COMMD1: variants seen among roughly 807,000 people sequenced by gnomAD.
The protein encoded by COMMD1 is COMM domain-containing protein 1.
In COMMD1, 10 loss-of-function variants were observed where a neutral mutation model predicts 17.2. The observed-to-expected ratio is 0.58, with a 90% CI of 0.36 to 0.99. COMMD1 has a LOEUF of 0.99. Ranked by LOEUF, COMMD1 falls within the 50% of genes least tolerant of loss-of-function variation. COMMD1 has a pLI of 0.01. For missense variants in COMMD1, 270 were observed against 231.8 expected (o/e 1.17, Z -1.07); for synonymous variants, 97 against 91.6 (o/e 1.06, Z -0.34).
At chr2:61,902,123 A>G (rs909759474), upstream of COMMD1, among the ~76,000 whole-genome samples, 2 of 149,810 alleles carry the variant, frequency 1.3e-5, no homozygotes, top group Admixed American at 6.6e-5. Flanking sequence ...GAGCCACCGC[A>G]CCCGGCCTAG....
chr2:61,912,977 C>G (rs972197169), intron 1 of COMMD1, among the ~76,000 whole-genome samples: 2 of 152,074 alleles, frequency 1.3e-5, no homozygotes, highest in African/African-American at 4.8e-5. Context: ...TTGCTTGAGC[C>G]CAAGAACTCA....
At chr2:62,103,872 GCT>G (rs973010311) in intron 2 of COMMD1, among the ~76,000 whole-genome samples, 89 of 151,856 alleles carry the variant, frequency 5.9e-4, no homozygotes, top group African/African-American at 2.1e-3. Flanking sequence ...ACAGGGTCTG[GCT>G]CTCTCACCCA....
At chr2:62,049,489 T>G (rs972879067) in intron 2 of COMMD1, among the ~76,000 whole-genome samples, 13 of 152,106 alleles carry the variant, frequency 8.5e-5, no homozygotes, top group Admixed American at 4.6e-4. Context: ...GCTACTGATA[T>G]CTAGTGGATA....
In COMMD1 at chr2:62,046,702, G is replaced by A. The variant is rs140198590; in HGVS notation, c.462+45720G>A. 2.4e-3 allele frequency among the ~76,000 whole-genome samples: 367 copies of A among 152,316 alleles called. 3 individuals are homozygous for A. The highest frequency in any genetic ancestry group is 8.1e-3 in the East Asian group (42 of 5,184). Reference sequence around the variant, plus strand: ...TTGACAAGATGATTCAGAGAATTTAGCAGATGGCAGTTTTGAGGAAAGAAC... The same window carrying A: ...TTGACAAGATGATTCAGAGAATTTAACAGATGGCAGTTTTGAGGAAAGAAC... On this transcript the variant is annotated intron_variant, in intron 2 of 2. Transcript: ENST00000311832.
At chr2:62,060,131 C>T (rs1670819584) in intron 2 of COMMD1, among the ~76,000 whole-genome samples, 1 of 152,118 alleles carries the variant, frequency 6.6e-6, no homozygotes. Context: ...GAGTTCCAGA[C>T]CGGCTTAGGC....
intron 2 of COMMD1, among the ~76,000 whole-genome samples, chr2:62,066,648 G>A (rs541697004): frequency 4.0e-5 from 6 of 151,464 alleles, no homozygotes; most frequent in Non-Finnish European, 8.8e-5. Context: ...TGATCTGCCC[G>A]CCTTGGCCTC....
chr2:62,115,992 A>G (rs1359737875), intron 2 of COMMD1, among the ~76,000 whole-genome samples: 1 of 151,382 alleles, frequency 6.6e-6, no homozygotes, highest in Admixed American at 6.6e-5. Context: ...AGCTACAGGC[A>G]TGAGGCACCA....
intron 1 of COMMD1, among the ~76,000 whole-genome samples, chr2:61,924,514 G>A (rs1427432686): frequency 2.0e-5 from 3 of 152,044 alleles, no homozygotes; most frequent in Non-Finnish European, 2.9e-5. Context: ...AGGAGAAGTC[G>A]TCGGCTAGGG....
intron 2 of COMMD1, among the ~76,000 whole-genome samples, chr2:62,009,589 G>C (rs1213806664): frequency 6.8e-6 from 1 of 147,504 alleles, no homozygotes; most frequent in Non-Finnish European, 1.5e-5. Context: ...GGGCAACAGA[G>C]TGAGACTGTC....
At chr2:62,090,354 CCTT>C (rs1671792364) in intron 2 of COMMD1, among the ~76,000 whole-genome samples, 1 of 152,154 alleles carries the variant, frequency 6.6e-6, no homozygotes, top group Admixed American at 6.5e-5. Flanking sequence ...TGATTAGCCT[CCTT>C]ATCAAGGGTC....
At chr2:62,051,140 T>A (rs1316434175) in intron 2 of COMMD1, among the ~76,000 whole-genome samples, 1 of 152,104 alleles carries the variant, frequency 6.6e-6, no homozygotes, top group Non-Finnish European at 1.5e-5. Flanking sequence ...GCAGCTTATT[T>A]ACCTATATTT....
At chr2:61,987,531 T>G (rs1265841729) in intron 1 of COMMD1, among the ~76,000 whole-genome samples, 1 of 152,184 alleles carries the variant, frequency 6.6e-6, no homozygotes, top group Non-Finnish European at 1.5e-5. Flanking sequence ...TTTTCCCAAA[T>G]AAACAGAGTC....
chr2:62,073,861 C>T (rs1297652754), intron 2 of COMMD1, among the ~76,000 whole-genome samples: 1 of 152,120 alleles, frequency 6.6e-6, no homozygotes. Context: ...CCATGCTTGG[C>T]TAATTTTTGT....
chr2:61,914,015 C>CA (rs1669984093), intron 1 of COMMD1, among the ~76,000 whole-genome samples: 4 of 151,332 alleles, frequency 2.6e-5, no homozygotes, highest in South Asian at 2.1e-4. Flanking sequence ...ACTAAAAATA[C>CA]AAAAAAATTA....
chr2:62,108,204 T>C (rs938560673), intron 2 of COMMD1, among the ~76,000 whole-genome samples: 15 of 152,182 alleles, frequency 9.9e-5, no homozygotes, highest in Admixed American at 8.5e-4. Flanking sequence ...TTTAGGCAAA[T>C]ACTTTTTAAA....
At chr2:61,943,641 C>T (rs896581689) in intron 1 of COMMD1, among the ~76,000 whole-genome samples, 1 of 152,126 alleles carries the variant, frequency 6.6e-6, no homozygotes, top group African/African-American at 2.4e-5. Flanking sequence ...TCGAGACCAA[C>T]CTGGCCAATA....
chr2:61,984,977 T>C (rs1208835868), intron 1 of COMMD1, among the ~76,000 whole-genome samples: 1 of 151,992 alleles, frequency 6.6e-6, no homozygotes, highest in Non-Finnish European at 1.5e-5. Context: ...CTACTCCTGC[T>C]CCTTTTGGTT....
chr2:61,991,057 C>T (rs114531690), intron 1 of COMMD1, among the ~76,000 whole-genome samples: 1,825 of 151,742 alleles, frequency 0.012, 42 homozygotes, highest in African/African-American at 0.043. Context: ...TGCCACTGCA[C>T]TCCAGCTGGG....
At chr2:62,027,217 T>C (rs1472709794) in intron 2 of COMMD1, among the ~76,000 whole-genome samples, 1 of 152,208 alleles carries the variant, frequency 6.6e-6, no homozygotes, top group Non-Finnish European at 1.5e-5. Flanking sequence ...TTATGTGGAC[T>C]GTATAGGTGT....
Sources: allele counts gnomAD v4.1 joint callset (sites outside exome capture counted in the v4.1 genomes callset), GRCh38; gene constraint gnomAD v4.1.1; transcripts MANE v1.5; gene names NCBI Gene and HGNC (gene_info 2026-07-23, HGNC 2026-07-21).